The following CCDC13 variants were observed in gnomAD, a reference collection of about 807,000 sequenced individuals.
CCDC13 encodes the protein coiled-coil domain containing 13.
Under a neutral mutation model 87.3 loss-of-function variants are expected in CCDC13, and 70 were observed. That is an observed-to-expected ratio of 0.80 (90% confidence interval 0.66 to 0.98). The LOEUF is 0.98. CCDC13 is among the 50% of genes least tolerant of loss of function. The pLI, the probability that CCDC13 is intolerant of heterozygous loss-of-function variation, is 0.00. For synonymous variants in CCDC13, 317 were observed against 360.3 expected, an observed-to-expected ratio of 0.88 and a Z score of 1.36; for missense variants, 842 against 892.0, an observed-to-expected ratio of 0.94 and a Z score of 0.71.
chr3:42,704,687 A>C (rs1698129990), downstream of CCDC13: 1 of 152,260 alleles, frequency 6.6e-6, no homozygotes, highest in Non-Finnish European at 1.5e-5. Flanking sequence ...AGTCCCATGG[A>C]TCTGTGGTTG....
At chr3:42,712,981 T>C (rs1354745487) in intron 14 of CCDC13, among the ~76,000 whole-genome samples, 181 bp downstream of exon 14, 1 of 152,206 alleles carries the variant, frequency 6.6e-6, no homozygotes, top group Non-Finnish European at 1.5e-5. Context: ...GGCTCCTGCT[T>C]CTGACTGAGA....
chr3:42,768,893 T>C (rs894104732), intron 1 of CCDC13, among the ~76,000 whole-genome samples: 2 of 151,836 alleles, frequency 1.3e-5, no homozygotes, highest in African/African-American at 4.8e-5. Context: ...ATCCCAGCAC[T>C]TTGGGAGGCT....
At chr3:42,767,313 C>G (rs1463194862) in intron 1 of CCDC13, among the ~76,000 whole-genome samples, 9 of 152,134 alleles carry the variant, frequency 5.9e-5, no homozygotes, top group Admixed American at 5.9e-4. Flanking sequence ...AATGCAATGC[C>G]ATTTATATTA....
chr3:42,727,376 A>G (rs1269517426), intron 13 of CCDC13, among the ~76,000 whole-genome samples: 1 of 152,082 alleles, frequency 6.6e-6, no homozygotes, highest in East Asian at 1.9e-4. Flanking sequence ...GGTCTCAAAA[A>G]AAGAAAAGAA....
At chr3:42,733,774 T>C (rs777993453) in intron 10 of CCDC13, 165 bp from the exon 11 acceptor site, 3 of 310,922 alleles carry the variant, frequency 9.6e-6, no homozygotes, top group Non-Finnish European at 1.4e-5. Context: ...ACTTGCATGA[T>C]AATGACATCT....
chr3:42,754,660 G>C (rs1272165112), intron 3 of CCDC13, among the ~76,000 whole-genome samples: 2 of 152,112 alleles, frequency 1.3e-5, no homozygotes, highest in East Asian at 3.9e-4. Context: ...CAAGCATATT[G>C]GGGAAGGAAA....
At chr3:42,752,163 G>T in intron 4 of CCDC13, 138 bp from the exon 5 acceptor site, 1 of 697,656 alleles carries the variant, frequency 1.4e-6, no homozygotes, top group Non-Finnish European at 2.4e-6. Flanking sequence ...ATTAATGGCA[G>T]CATTCTCCTT....
At chr3:42,761,291 C>T (rs1220866680) in intron 1 of CCDC13, among the ~76,000 whole-genome samples, 2 of 152,144 alleles carry the variant, frequency 1.3e-5, no homozygotes, top group Admixed American at 1.3e-4. Flanking sequence ...CTTGCTGTTA[C>T]CTCTCCAGGA....
intron 6 of CCDC13, 159 bp downstream of exon 6, chr3:42,747,098 T>C (rs770937841): frequency 1.1e-5 from 8 of 761,680 alleles, no homozygotes; most frequent in South Asian, 5.5e-5. Flanking sequence ...CAAGGGCTGG[T>C]GGGAGGAAGG....
At position 42,712,400 on chromosome 3, in the gene CCDC13, C is replaced by T. The variant is rs143744819; in HGVS notation, c.1873+762G>A. ...CTGGCTCTGGCATCCTCCAGCTCGC[C>T]CCAGCCCCACAGGATGCTGATGCTG... is the stretch of plus-strand genomic sequence containing the variant. On this transcript the variant is annotated intron_variant, in intron 14 of 15. Transcript: ENST00000310232. Among the ~76,000 whole-genome samples, 74 of 152,244 alleles carry T rather than the reference C, an allele frequency of 4.9e-4. No individual in the cohort carries two copies. The East Asian group carries it at 0.013, about 26-fold the overall frequency.
Position 42,708,685 on chromosome 3 carries a change from T to G in CCDC13, c.*295A>C. ...TGCCCGAGGGACTGCATCTGTCCATTCACAGCCGCCTTGCCATCCCAGAGC... is the reference window on the plus strand; with the variant it reads ...TGCCCGAGGGACTGCATCTGTCCATGCACAGCCGCCTTGCCATCCCAGAGC... On this transcript the variant is annotated 3_prime_UTR_variant, in exon 16 of 16. Transcript: ENST00000310232. 2 of 322,400 alleles carry G rather than the reference T, an allele frequency of 6.2e-6. No homozygotes were observed. Among genetic ancestry groups the G allele is most frequent in the South Asian group, 5.9e-5 (1 of 16,888 alleles). 20.0% of individuals were successfully genotyped at this position (322,400 alleles called of 1,614,324 possible).
At chr3:42,713,424 A>G in intron 13 of CCDC13, 108 bp from the exon 14 acceptor site, 1 of 1,016,428 alleles carries the variant, frequency 9.8e-7, no homozygotes, top group South Asian at 1.6e-5. Context: ...ATTGGTAGTG[A>G]TGGGACCTCT....
intron 9 of CCDC13, among the ~76,000 whole-genome samples, chr3:42,737,176 T>A (rs2125888072): frequency 6.6e-6 from 1 of 152,210 alleles, no homozygotes; most frequent in South Asian, 2.1e-4. Flanking sequence ...TGGTTTTCTG[T>A]CCTTGTGATA....
chr3:42,711,882 G>T (rs1219582924), intron 14 of CCDC13, among the ~76,000 whole-genome samples: 1 of 152,168 alleles, frequency 6.6e-6, no homozygotes, highest in Non-Finnish European at 1.5e-5. Flanking sequence ...GGAACAAAGT[G>T]ACTTGCCTGC....
At chr3:42,765,914 C>T (rs1380679743) in intron 1 of CCDC13, among the ~76,000 whole-genome samples, 1 of 152,190 alleles carries the variant, frequency 6.6e-6, no homozygotes, top group East Asian at 1.9e-4. Flanking sequence ...TGGACTTTAT[C>T]CTGAGGCGCT....
At chr3:42,747,159 C>T (rs1472489823) in intron 6 of CCDC13, 98 bp downstream of exon 6, 4 of 884,218 alleles carry the variant, frequency 4.5e-6, no homozygotes, top group Non-Finnish European at 7.7e-6. Flanking sequence ...AGGGACTGAG[C>T]ACTCATGGCT....
rs1188452616 is a variant in CCDC13 at position 42,708,861 on chromosome 3, A to G, written c.*119T>C. The G allele has an allele frequency of 2.0e-5, 21 of 1,026,816 alleles. No individual in the cohort carries two copies. The highest frequency in any genetic ancestry group is 2.9e-5 in the Non-Finnish European group (21 of 722,274). 63.6% of individuals were successfully genotyped at this position (1,026,816 alleles called of 1,614,324 possible). On this transcript the variant is annotated 3_prime_UTR_variant, in exon 16 of 16. Coordinates refer to ENST00000310232, the MANE Select transcript of CCDC13 (RefSeq NM_144719.4). The stretch of plus-strand genomic sequence containing the variant: ...TCCTTAAGGAGCCTCTTCTGGTAGA[A>G]GTGGTTGAGCTGGCTGCCCTGGGCT...
chr3:42,747,845 G>A (rs1699459671), intron 5 of CCDC13, among the ~76,000 whole-genome samples: 1 of 152,210 alleles, frequency 6.6e-6, no homozygotes, highest in South Asian at 2.1e-4. Context: ...ATTCCCCGAA[G>A]GCAAGCCCAG....
chr3:42,745,044 A>G (rs1699355163), intron 7 of CCDC13: 1 of 152,144 alleles, frequency 6.6e-6, no homozygotes, highest in Non-Finnish European at 1.5e-5. Flanking sequence ...CCCCAAGGCC[A>G]TGCACTATCA....
Sources: allele counts gnomAD v4.1 joint callset (sites outside exome capture counted in the v4.1 genomes callset), GRCh38; gene constraint gnomAD v4.1.1; transcripts MANE v1.5; gene names NCBI Gene and HGNC (gene_info 2026-07-23, HGNC 2026-07-21).